SEPTIN14: variants seen among roughly 807,000 people sequenced by gnomAD.
The protein encoded by SEPTIN14 is septin 14.
SEPTIN14 carries 40 observed loss-of-function variants against 53.6 expected under a neutral mutation model. The ratio of observed to expected loss-of-function variants is 0.75; its 90% CI spans 0.58 to 0.97. The LOEUF is 0.97. Among genes scored for constraint, SEPTIN14 ranks in the 50% least tolerant of loss-of-function variants. The pLI is 0.00. For missense variants in SEPTIN14, 471 were observed against 508.2 expected (o/e 0.93, Z 0.70); for synonymous variants, 138 against 166.8 (o/e 0.83, Z 1.33).
intron 7 of SEPTIN14, among the ~76,000 whole-genome samples, chr7:55,816,364 G>C (rs1788790600): frequency 6.6e-6 from 1 of 152,118 alleles, no homozygotes; most frequent in South Asian, 2.1e-4. Flanking sequence ...TGGATTGTTT[G>C]TGACACAAAG....
At position 55,844,713 on chromosome 7, in the gene SEPTIN14, T is replaced by C. The variant is rs747708584; in HGVS notation, c.181A>G (p.Thr61Ala). ...FTFNILCVGE[T>A]GIGKSTLIDT... ...ATCAGTGTCGATTTTCCAATTCCAG[T>C]CTCCCCTGTAATAGACATAGAGTCA... is the stretch of plus-strand genomic sequence containing the variant. The change falls in exon 4 of 10, where the codon ACT (threonine) becomes GCT (alanine). Residue 61 changes from threonine (T) to alanine (A), a missense_variant. By Grantham distance (58) the Thr-to-Ala change is moderately conservative (BLOSUM62 0). Coordinates refer to ENST00000388975, the MANE Select transcript of SEPTIN14 (RefSeq NM_207366.3). The C allele has an allele frequency of 1.7e-5, 27 of 1,566,218 alleles. No homozygotes were observed. The East Asian group carries it at 5.9e-4, about 34-fold the overall frequency.
At chr7:55,833,195 G>T (rs573698487) in intron 6 of SEPTIN14, among the ~76,000 whole-genome samples, 212 of 151,882 alleles carry the variant, frequency 1.4e-3, no homozygotes, top group Admixed American at 2.3e-3. Flanking sequence ...CACGCCTGTA[G>T]TCCCAGCTAC....
At chr7:55,818,013 T>C (rs1428056950) in intron 7 of SEPTIN14, among the ~76,000 whole-genome samples, 1 of 152,132 alleles carries the variant, frequency 6.6e-6, no homozygotes, top group Non-Finnish European at 1.5e-5. Flanking sequence ...CAATATATGG[T>C]TTATTGTGAT....
chr7:55,825,459 T>C (rs1037357719), intron 6 of SEPTIN14, among the ~76,000 whole-genome samples: 30 of 152,164 alleles, frequency 2.0e-4, no homozygotes, highest in Non-Finnish European at 1.3e-4. Flanking sequence ...CCATACAATG[T>C]TCAACACAAA....
intron 7 of SEPTIN14, among the ~76,000 whole-genome samples, chr7:55,812,518 G>A (rs28803557): frequency 0.21 from 31,319 of 151,922 alleles, 4,224 homozygotes; most frequent in East Asian, 0.43. Context: ...AGTGATCTAC[G>A]GCACTGTATG....
At chr7:55,830,137 C>T (rs1327518088) in intron 6 of SEPTIN14, among the ~76,000 whole-genome samples, 4 of 146,830 alleles carry the variant, frequency 2.7e-5, no homozygotes, top group Non-Finnish European at 6.0e-5. Context: ...GAGATCGCAC[C>T]GCTGCACTCC....
intron 2 of SEPTIN14, among the ~76,000 whole-genome samples, chr7:55,856,161 C>T (rs1309792012): frequency 6.6e-6 from 1 of 151,992 alleles, no homozygotes; most frequent in Non-Finnish European, 1.5e-5. Context: ...CTCCCTCACC[C>T]TCTAGTAGTC....
At chr7:55,839,738 C>A (rs1429727663) in intron 5 of SEPTIN14, among the ~76,000 whole-genome samples, 2 of 152,150 alleles carry the variant, frequency 1.3e-5, no homozygotes, top group African/African-American at 2.4e-5. Flanking sequence ...TGAAATCTAT[C>A]AAATGTGAGT....
chr7:55,811,077 T>C (rs1262018359), intron 7 of SEPTIN14: 2 of 462,980 alleles, frequency 4.3e-6, no homozygotes, highest in Non-Finnish European at 4.2e-6. Flanking sequence ...TTGTATCACC[T>C]TTCGTGTTTC....
chr7:55,807,645 G>C (rs549553611), intron 7 of SEPTIN14, among the ~76,000 whole-genome samples: 7 of 152,196 alleles, frequency 4.6e-5, no homozygotes, highest in African/African-American at 1.4e-4. Context: ...AATTTTATCA[G>C]AGTAAATTCT....
At chr7:55,829,389 A>C (rs1584262061) in intron 6 of SEPTIN14, among the ~76,000 whole-genome samples, 5 of 151,274 alleles carry the variant, frequency 3.3e-5, no homozygotes, top group African/African-American at 1.2e-4. Flanking sequence ...AAAAAAAAAA[A>C]AGAAAGAAAG....
intron 6 of SEPTIN14, among the ~76,000 whole-genome samples, chr7:55,824,891 T>C (rs764847641): frequency 6.6e-6 from 1 of 152,138 alleles, no homozygotes; most frequent in Non-Finnish European, 1.5e-5. Flanking sequence ...CTATCACTCA[T>C]TGCCAGTGGG....
At chr7:55,845,559 A>G (rs1299879535) in intron 3 of SEPTIN14, among the ~76,000 whole-genome samples, 1 of 152,208 alleles carries the variant, frequency 6.6e-6, no homozygotes, top group Admixed American at 6.5e-5. Flanking sequence ...ATGTCTCATC[A>G]TAAAAAAATG....
At chr7:55,834,204 C>T (rs1789162478) in intron 6 of SEPTIN14, among the ~76,000 whole-genome samples, 1 of 152,248 alleles carries the variant, frequency 6.6e-6, no homozygotes, top group African/African-American at 2.4e-5. Flanking sequence ...GAGGCAGCAT[C>T]CCCTTGATAT....
chr7:55,843,395 A>G (rs1387398171), intron 4 of SEPTIN14, among the ~76,000 whole-genome samples: 1 of 152,236 alleles, frequency 6.6e-6, no homozygotes, highest in African/African-American at 2.4e-5. Flanking sequence ...GAATGCAAGC[A>G]ACTAAACAAC....
At chr7:55,816,536 C>A (rs1351984321) in intron 7 of SEPTIN14, among the ~76,000 whole-genome samples, 2 of 151,886 alleles carry the variant, frequency 1.3e-5, no homozygotes, top group African/African-American at 4.8e-5. Flanking sequence ...GTGGCTCATG[C>A]CTGTAATCCT....
chr7:55,830,336 TATATATA>T (rs1789080598), intron 6 of SEPTIN14, among the ~76,000 whole-genome samples: 3 of 36,816 alleles, frequency 8.1e-5, no homozygotes, highest in African/African-American at 3.8e-4. Flanking sequence ...TATATATATA[TATATATA>T]TATATATTTT....
chr7:55,844,881 G>A (rs1174038627), intron 3 of SEPTIN14, among the ~76,000 whole-genome samples, 163 bp from the exon 4 acceptor site: 1 of 151,506 alleles, frequency 6.6e-6, no homozygotes, highest in Non-Finnish European at 1.5e-5. Flanking sequence ...AGAAAGGAAA[G>A]GTGGAGTAGT....
intron 2 of SEPTIN14, among the ~76,000 whole-genome samples, chr7:55,851,565 C>G (rs901064506): frequency 1.3e-5 from 2 of 151,948 alleles, no homozygotes; most frequent in Admixed American, 6.6e-5. Flanking sequence ...AATACTGATG[C>G]AAGAAATTGA....
Sources: gnomAD v4.1 joint callset for allele counts (sites outside exome capture counted in the v4.1 genomes callset) on GRCh38, gnomAD v4.1.1 for gene constraint, MANE v1.5 for transcripts, NCBI Gene and HGNC (gene_info 2026-07-23, HGNC 2026-07-21) for gene names.